The following DPYS variants were observed in gnomAD, a reference collection of about 807,000 sequenced individuals.
The protein encoded by DPYS is dihydropyrimidine amidohydrolase.
A neutral mutation model predicts 50.3 loss-of-function variants in DPYS; 39 were observed. The observed-to-expected ratio is 0.78, with a 90% CI of 0.60 to 1.01. The LOEUF is 1.01. DPYS is among the 50% of genes least tolerant of loss of function. The pLI is 0.00. For synonymous variants in DPYS, 245 were observed against 250.7 expected, an observed-to-expected ratio of 0.98 and a Z score of 0.22; for missense variants, 659 against 680.9, an observed-to-expected ratio of 0.97 and a Z score of 0.36.
chr8:104,392,271 G>A (rs531751669), intron 8 of DPYS, among the ~76,000 whole-genome samples: 78 of 152,330 alleles, frequency 5.1e-4, no homozygotes, highest in African/African-American at 1.8e-3. Context: ...TGGGAGATCT[G>A]AGACTTGGCT....
intron 4 of DPYS, 23 bp downstream of exon 4, chr8:104,444,225 G>C (rs1813450128): frequency 6.2e-7 from 1 of 1,613,768 alleles, no homozygotes; most frequent in Non-Finnish European, 8.5e-7. Context: ...TGAGTTCTAA[G>C]TGAGGTTACA....
chr8:104,416,492 C>T (rs1812372975), intron 7 of DPYS, among the ~76,000 whole-genome samples: 1 of 152,158 alleles, frequency 6.6e-6, no homozygotes, highest in African/African-American at 2.4e-5. Flanking sequence ...TCCACTTATG[C>T]ACCCATGACA....
Position 104,466,492 on chromosome 8 carries a change from A to G in DPYS, c.264+165T>C, listed in dbSNP as rs566852201. Among the ~76,000 whole-genome samples, 216 of 152,130 alleles carry G rather than the reference A, an allele frequency of 1.4e-3. 1 individual carries two copies. The highest frequency in any genetic ancestry group is 4.9e-3 in the African/African-American group (204 of 41,536). On this transcript the variant is annotated intron_variant, in intron 1 of 9. Coordinates refer to ENST00000351513, the MANE Select transcript of DPYS (RefSeq NM_001385.3). The stretch of plus-strand genomic sequence containing the variant: ...CCTGAAAGGGACCCCAGCGAAGAGA[A>G]TCTGAGTCCCCTCTGACACCCGCCG...
chr8:104,435,050 G>A (rs1813088305), intron 4 of DPYS, among the ~76,000 whole-genome samples: 1 of 152,152 alleles, frequency 6.6e-6, no homozygotes, highest in African/African-American at 2.4e-5. Context: ...GAATTCATGA[G>A]CCTACAGGTT....
chr8:104,450,207 G>A (rs1429584591), intron 2 of DPYS, among the ~76,000 whole-genome samples: 1 of 151,214 alleles, frequency 6.6e-6, no homozygotes, highest in Non-Finnish European at 1.5e-5. Flanking sequence ...GGAGGGAAGG[G>A]AAGAAAAGGA....
intron 1 of DPYS, among the ~76,000 whole-genome samples, chr8:104,456,591 T>C (rs1294383174): frequency 1.3e-5 from 2 of 152,240 alleles, no homozygotes; most frequent in African/African-American, 4.8e-5. Flanking sequence ...GGAGAAGCTG[T>C]ATTGAATGGG....
intron 1 of DPYS, among the ~76,000 whole-genome samples, chr8:104,456,615 G>A (rs1157224311): frequency 1.3e-5 from 2 of 152,148 alleles, no homozygotes; most frequent in Non-Finnish European, 2.9e-5. Context: ...GGATGGCTGG[G>A]GCCAATTTCT....
intron 7 of DPYS, among the ~76,000 whole-genome samples, chr8:104,395,791 C>G (rs554666351): frequency 1.3e-5 from 2 of 151,768 alleles, no homozygotes; most frequent in African/African-American, 4.8e-5. Flanking sequence ...GAATATTTCT[C>G]TAATGTAAAT....
intron 7 of DPYS, among the ~76,000 whole-genome samples, chr8:104,403,168 T>C (rs189538061): frequency 6.6e-6 from 1 of 152,228 alleles, no homozygotes; most frequent in East Asian, 1.9e-4. Flanking sequence ...CTTCCATCTC[T>C]CCAGATCTGG....
At chr8:104,432,331 A>T (rs993441098) in intron 4 of DPYS, among the ~76,000 whole-genome samples, 10 of 152,152 alleles carry the variant, frequency 6.6e-5, no homozygotes, top group African/African-American at 2.4e-4. Context: ...ACCAATCCAA[A>T]CTCTCCACTG....
intron 4 of DPYS, among the ~76,000 whole-genome samples, chr8:104,436,452 A>G (rs1423229644): frequency 6.6e-6 from 1 of 152,134 alleles, no homozygotes. Flanking sequence ...TCTACTAAAA[A>G]TACAAAAATT....
chr8:104,387,598 G>A (rs546763865), intron 8 of DPYS, among the ~76,000 whole-genome samples: 90 of 152,256 alleles, frequency 5.9e-4, no homozygotes, highest in African/African-American at 2.0e-3. Context: ...AGACAAACCT[G>A]GGTTTGAGTC....
In DPYS at chr8:104,442,233, A is replaced by G. The variant is rs143696922; in HGVS notation, c.793+2015T>C. Among the ~76,000 whole-genome samples the G allele has an allele frequency of 6.2e-4, 94 of 152,336 alleles. No homozygotes were observed. In the East Asian group the frequency reaches 0.016, roughly 26 times the overall value. ...TAAAATTAAAATGTCTGTATTTACT[A>G]GTTTTCTGCCTATGTTCTGTATTCT... On this transcript the variant is annotated intron_variant, in intron 4 of 9. Transcript: ENST00000351513.
At chr8:104,446,908 A>G (rs1252893807) in intron 3 of DPYS, among the ~76,000 whole-genome samples, 1 of 152,218 alleles carries the variant, frequency 6.6e-6, no homozygotes, top group African/African-American at 2.4e-5. Context: ...ACAGCTACCT[A>G]ATACACTGCT....
intron 7 of DPYS, chr8:104,423,941 C>T (rs1019382598): frequency 1.5e-5 from 15 of 970,926 alleles, no homozygotes; most frequent in African/African-American, 8.8e-5. Context: ...TCCTTCATCA[C>T]GCTTTACCTT....
At chr8:104,461,870 G>A (rs899138898) in intron 1 of DPYS, among the ~76,000 whole-genome samples, 1 of 152,084 alleles carries the variant, frequency 6.6e-6, no homozygotes, top group Admixed American at 6.5e-5. Flanking sequence ...TAAGGACAGG[G>A]GGAAATGTTT....
chr8:104,434,207 G>A (rs545269873), intron 4 of DPYS, among the ~76,000 whole-genome samples: 2 of 152,292 alleles, frequency 1.3e-5, no homozygotes, highest in South Asian at 2.1e-4. Flanking sequence ...AGTTATTATC[G>A]ATAGAAAGAA....
intron 7 of DPYS, among the ~76,000 whole-genome samples, chr8:104,399,866 C>CAAAAAAAAAA (rs57562204): frequency 3.8e-5 from 2 of 52,530 alleles, no homozygotes; most frequent in Non-Finnish European, 3.1e-5. Flanking sequence ...GACTCCGTCT[C>CAAAAAAAAAA]AAAAAAAAAA....
At chr8:104,465,826 T>C (rs1043478911) in intron 1 of DPYS, among the ~76,000 whole-genome samples, 3 of 152,192 alleles carry the variant, frequency 2.0e-5, no homozygotes, top group Admixed American at 1.3e-4. Context: ...TCTAGGCCTT[T>C]GTATCTAGAG....
Sources: gnomAD v4.1 joint callset for allele counts (sites outside exome capture counted in the v4.1 genomes callset) on GRCh38, gnomAD v4.1.1 for gene constraint, MANE v1.5 for transcripts, NCBI Gene and HGNC (gene_info 2026-07-23, HGNC 2026-07-21) for gene names.